Variants in MYO18B observed in about 807,000 individuals in gnomAD.
MYO18B encodes myosin XVIIIB, also known as unconventional myosin-XVIIIb.
A neutral mutation model predicts 273.0 loss-of-function variants in MYO18B; 204 were observed. The observed-to-expected ratio is 0.75, with a 90% CI of 0.67 to 0.84. The LOEUF (loss-of-function observed/expected upper bound fraction) is 0.84, where lower values mean the gene tolerates loss of function less well. Among genes scored for constraint, MYO18B ranks in the 40% least tolerant of loss-of-function variants. The probability of loss-of-function intolerance (pLI) is 0.00; values close to 1 mark genes in which losing one functional copy is unlikely to be tolerated. For synonymous variants in MYO18B, 1,330 were observed against 1,305.7 expected, an observed-to-expected ratio of 1.02 and a Z score of -0.40; for missense variants, 3,212 against 3,287.6, an observed-to-expected ratio of 0.98 and a Z score of 0.56.
In MYO18B at chr22:25,777,914, G is replaced by A. The variant is rs180755652; in HGVS notation, c.2068+133G>A. 768 of 831,972 alleles carry A rather than the reference G, an allele frequency of 9.2e-4. 8 individuals are homozygous for A. In the African/African-American group the frequency reaches 0.012, roughly 13 times the overall value. The allele number at this position is 831,972 out of a possible 1,614,324, so 51.5% of individuals were successfully genotyped here. A position where few individuals can be genotyped will look rare whatever the true frequency, so the allele number is the denominator to read the frequency against. On this transcript the variant is annotated intron_variant, in intron 8 of 43. Coordinates refer to ENST00000335473, the MANE Select transcript of MYO18B (RefSeq NM_032608.7). Reference sequence around the variant, plus strand: ...CCAGATATGTGCAGACCCCATGCTTGCTACTGGGCAGGGCTATCCCTAGGT... The same window carrying A: ...CCAGATATGTGCAGACCCCATGCTTACTACTGGGCAGGGCTATCCCTAGGT...
intron 12 of MYO18B, among the ~76,000 whole-genome samples, chr22:25,808,362 A>G (rs1300035354): frequency 2.6e-5 from 4 of 152,198 alleles, no homozygotes; most frequent in Admixed American, 2.0e-4. Flanking sequence ...CAACCCTGAC[A>G]GGTAGGGAAG....
chr22:25,928,312 A>G (rs2092449340), intron 34 of MYO18B, among the ~76,000 whole-genome samples: 1 of 151,554 alleles, frequency 6.6e-6, no homozygotes, highest in Non-Finnish European at 1.5e-5. Context: ...TCACACCTGT[A>G]ATCCTAGCAC....
intron 42 of MYO18B, chr22:26,006,597 A>T (rs1200537138): frequency 3.6e-5 from 6 of 165,288 alleles, no homozygotes; most frequent in Non-Finnish European, 1.4e-5. Flanking sequence ...ATAACTTTCA[A>T]TAAGCATTTA....
intron 42 of MYO18B, among the ~76,000 whole-genome samples, chr22:26,014,736 T>G (rs1191058519): frequency 1.3e-5 from 2 of 152,242 alleles, no homozygotes; most frequent in Non-Finnish European, 2.9e-5. Flanking sequence ...TTTTTTTGAC[T>G]TTTAAATAAT....
At chr22:25,887,136 G>A (rs1023877156) in intron 25 of MYO18B, among the ~76,000 whole-genome samples, 6 of 152,180 alleles carry the variant, frequency 3.9e-5, no homozygotes, top group Admixed American at 6.5e-5. Context: ...GAATATAAGA[G>A]CTGAGGACAG....
intron 11 of MYO18B, among the ~76,000 whole-genome samples, chr22:25,790,712 G>C (rs1183087875): frequency 1.3e-5 from 2 of 152,180 alleles, no homozygotes; most frequent in Non-Finnish European, 2.9e-5. Flanking sequence ...TTGCTACTGT[G>C]GTCAGCAGAG....
Position 25,889,555 on chromosome 22 carries a change from C to CTTT in MYO18B, c.4315-1190_4315-1188dup, listed in dbSNP as rs11399837. Among the ~76,000 whole-genome samples, 251 of 145,948 alleles carry CTTT rather than the reference C, an allele frequency of 1.7e-3. 2 individuals carry two copies. Among genetic ancestry groups the CTTT allele is most frequent in the African/African-American group, 3.7e-3 (146 of 39,858 alleles). ...CTCGAACCTTGCACCCTACCTCTTTCTTTTTTTTTTTTTACAATTCTGCTG... is the reference window on the plus strand; with the variant it reads ...CTCGAACCTTGCACCCTACCTCTTTCTTTTTTTTTTTTTTTTACAATTCTGCTG... On this transcript the variant is annotated intron_variant, in intron 25 of 43. Transcript: ENST00000335473.
chr22:25,840,827 G>T (rs1042949038), intron 17 of MYO18B, among the ~76,000 whole-genome samples: 1 of 152,158 alleles, frequency 6.6e-6, no homozygotes, highest in Non-Finnish European at 1.5e-5. Context: ...GAGGTCTATG[G>T]TGTCAGTCCC....
chr22:26,034,594 C>T (rs779604448), downstream of MYO18B, among the ~76,000 whole-genome samples: 1 of 152,208 alleles, frequency 6.6e-6, no homozygotes, highest in East Asian at 1.9e-4. Flanking sequence ...CTGTGCCCTG[C>T]TATGGCGTCC....
At chr22:25,987,261 A>T (rs1257970744) in intron 39 of MYO18B, among the ~76,000 whole-genome samples, 1 of 152,220 alleles carries the variant, frequency 6.6e-6, no homozygotes, top group Non-Finnish European at 1.5e-5. Flanking sequence ...CTCTAATTGA[A>T]CATCACAAGA....
chr22:25,756,446 C>G (rs1394773539), intron 1 of MYO18B: 2 of 152,252 alleles, frequency 1.3e-5, no homozygotes, highest in Non-Finnish European at 2.9e-5. Context: ...CAGCTAGTGA[C>G]ATGCTGATAG....
At chr22:25,980,329 G>A (rs1216663215) in intron 39 of MYO18B, among the ~76,000 whole-genome samples, 1 of 152,168 alleles carries the variant, frequency 6.6e-6, no homozygotes, top group Non-Finnish European at 1.5e-5. Context: ...AGACCCTCAG[G>A]CAACAGCTGA....
intron 42 of MYO18B, among the ~76,000 whole-genome samples, chr22:26,014,815 G>T (rs1334620483): frequency 2.0e-5 from 3 of 152,084 alleles, no homozygotes; most frequent in Admixed American, 6.5e-5. Context: ...GATCAGTGAT[G>T]TTGAGCTTCT....
At chr22:25,802,504 G>A (rs907722754) in intron 12 of MYO18B, among the ~76,000 whole-genome samples, 3 of 151,958 alleles carry the variant, frequency 2.0e-5, no homozygotes, top group Non-Finnish European at 4.4e-5. Context: ...TAATCCCAGC[G>A]CTTTGGGAGG....
intron 33 of MYO18B, among the ~76,000 whole-genome samples, chr22:25,912,609 C>A (rs186915181): frequency 6.6e-6 from 1 of 152,248 alleles, no homozygotes; most frequent in East Asian, 1.9e-4. Flanking sequence ...CATGGAAAAG[C>A]AGAACAAATA....
intron 34 of MYO18B, 29 bp downstream of exon 34, chr22:25,921,438 C>G: frequency 1.3e-6 from 2 of 1,590,208 alleles, no homozygotes; most frequent in Non-Finnish European, 1.7e-6. Context: ...CCTTGAGAAT[C>G]AGGCTGGGGA....
intron 33 of MYO18B, among the ~76,000 whole-genome samples, chr22:25,916,988 C>T (rs886549016): frequency 1.6e-4 from 25 of 152,046 alleles, no homozygotes; most frequent in Admixed American, 8.5e-4. Flanking sequence ...GCCGAGATTG[C>T]GCCACTGCAC....
chr22:26,001,818 T>A (rs1436606895), intron 40 of MYO18B, among the ~76,000 whole-genome samples: 1 of 152,166 alleles, frequency 6.6e-6, no homozygotes. Context: ...GAATGCCGAG[T>A]CCACCCGTGG....
intron 21 of MYO18B, among the ~76,000 whole-genome samples, chr22:25,860,586 C>G (rs1157192711): frequency 2.0e-5 from 3 of 152,000 alleles, no homozygotes; most frequent in Non-Finnish European, 4.4e-5. Context: ...CTTCTTTGGC[C>G]CGTTGTTTAT....
Sources: gnomAD v4.1 joint callset for allele counts (sites outside exome capture counted in the v4.1 genomes callset) on GRCh38, gnomAD v4.1.1 for gene constraint, MANE v1.5 for transcripts, NCBI Gene and HGNC (gene_info 2026-07-23, HGNC 2026-07-21) for gene names.